The following ZBTB7C variants were observed in gnomAD, a reference collection of about 807,000 sequenced individuals.
ZBTB7C encodes zinc finger and BTB domain-containing protein 7C.
ZBTB7C carries 8 observed loss-of-function variants against 25.7 expected under a neutral mutation model. That is an observed-to-expected ratio of 0.31 (90% confidence interval 0.18 to 0.56). The LOEUF is 0.56. ZBTB7C is among the 20% of genes least tolerant of loss of function. The pLI is 0.91. For synonymous variants in ZBTB7C, 394 were observed against 369.0 expected (o/e 1.07, Z -0.78); for missense variants, 824 against 855.2 (o/e 0.96, Z 0.46).
At chr18:48,097,415 G>A (rs1004732110) in intron 3 of ZBTB7C, among the ~76,000 whole-genome samples, 8 of 81,394 alleles carry the variant, frequency 9.8e-5, no homozygotes, top group South Asian at 4.3e-4. Context: ...TATTATTATT[G>A]AGACAGAGTC....
At chr18:48,078,478 G>A (rs935672189) in intron 3 of ZBTB7C, among the ~76,000 whole-genome samples, 3 of 152,178 alleles carry the variant, frequency 2.0e-5, no homozygotes, top group South Asian at 2.1e-4. Flanking sequence ...ACACTCCACC[G>A]GCAGCATCAG....
intron 2 of ZBTB7C, among the ~76,000 whole-genome samples, chr18:48,293,343 C>T (rs1342992487): frequency 6.6e-6 from 1 of 152,180 alleles, no homozygotes; most frequent in African/African-American, 2.4e-5. Flanking sequence ...CCCTAATGAC[C>T]TCATCTGACT....
At chr18:48,198,527 C>T (rs544271613) in intron 2 of ZBTB7C, among the ~76,000 whole-genome samples, 13 of 152,284 alleles carry the variant, frequency 8.5e-5, no homozygotes, top group African/African-American at 2.2e-4. Flanking sequence ...GTTTCCTTGA[C>T]GTGTCCAGCT....
intron 3 of ZBTB7C, among the ~76,000 whole-genome samples, chr18:48,177,164 G>A (rs1390144721): frequency 6.6e-6 from 1 of 152,250 alleles, no homozygotes; most frequent in Non-Finnish European, 1.5e-5. Flanking sequence ...CCTGGAGCAG[G>A]ACAATGAGCC....
chr18:48,264,826 C>T (rs181307323), intron 2 of ZBTB7C, among the ~76,000 whole-genome samples: 1 of 152,338 alleles, frequency 6.6e-6, no homozygotes, highest in Admixed American at 6.5e-5. Flanking sequence ...CTTCACAGGG[C>T]ACTTTGCAAA....
At chr18:48,132,666 A>G (rs1020915958) in intron 3 of ZBTB7C, among the ~76,000 whole-genome samples, 1 of 152,228 alleles carries the variant, frequency 6.6e-6, no homozygotes, top group African/African-American at 2.4e-5. Flanking sequence ...GTTCTGCTTA[A>G]TAGAGGCAGC....
chr18:48,257,082 A>T (rs189143108), intron 2 of ZBTB7C, among the ~76,000 whole-genome samples: 303 of 152,154 alleles, frequency 2.0e-3, no homozygotes, highest in Middle Eastern at 0.014. Context: ...TTGGATATAA[A>T]GGAAGACCCA....
At chr18:48,310,506 C>T (rs1165484572) in intron 2 of ZBTB7C, among the ~76,000 whole-genome samples, 9 of 151,792 alleles carry the variant, frequency 5.9e-5, no homozygotes, top group African/African-American at 2.2e-4. Context: ...TGTCTTTCCT[C>T]ATGCTTAAAA....
intron 3 of ZBTB7C, chr18:48,148,728 CTG>C (rs2040574108): frequency 6.6e-6 from 1 of 152,206 alleles, no homozygotes; most frequent in Non-Finnish European, 1.5e-5. Flanking sequence ...AAGGTACAAT[CTG>C]AGATTCCTTA....
chr18:48,033,319 G>A (rs2035840946), intron 4 of ZBTB7C, among the ~76,000 whole-genome samples: 1 of 152,282 alleles, frequency 6.6e-6, no homozygotes, highest in East Asian at 1.9e-4. Context: ...CCTGGCTGTG[G>A]TTTGTTTGTA....
chr18:48,307,846 C>CATAAATAA (rs555176274), intron 2 of ZBTB7C, among the ~76,000 whole-genome samples: 4 of 152,118 alleles, frequency 2.6e-5, no homozygotes, highest in Admixed American at 6.5e-5. Context: ...AACTCCACCT[C>CATAAATAA]ATAAATAAAT....
chr18:48,165,439 G>C (rs770737405), intron 3 of ZBTB7C: 107 of 314,676 alleles, frequency 3.4e-4, no homozygotes, highest in Non-Finnish European at 5.9e-4. Context: ...CTTGGGCAGA[G>C]AGAGGGGACC....
upstream of ZBTB7C, among the ~76,000 whole-genome samples, chr18:48,411,963 ATAAT>A (rs1453070748): frequency 6.6e-6 from 1 of 152,238 alleles, no homozygotes; most frequent in Non-Finnish European, 1.5e-5. Context: ...TTGCTTTGCA[ATAAT>A]TAATAGAATT....
At chr18:48,227,186 A>G (rs2043125457) in intron 2 of ZBTB7C, among the ~76,000 whole-genome samples, 2 of 152,180 alleles carry the variant, frequency 1.3e-5, no homozygotes, top group Admixed American at 1.3e-4. Context: ...GAGGGCTTGG[A>G]CAAGCATCCA....
chr18:48,171,165 C>T (rs572633414), intron 3 of ZBTB7C, among the ~76,000 whole-genome samples: 78 of 152,352 alleles, frequency 5.1e-4, no homozygotes, highest in Non-Finnish European at 8.5e-4. Flanking sequence ...CCTGCCTGAG[C>T]CTTGGAGCCC....
At chr18:48,392,749 G>C (rs928291676) in intron 1 of ZBTB7C, among the ~76,000 whole-genome samples, 5 of 152,222 alleles carry the variant, frequency 3.3e-5, no homozygotes, top group Admixed American at 6.5e-5. Flanking sequence ...AGCCGAGGGA[G>C]GGAAGTGCTT....
chr18:48,333,934 C>T (rs2046398973), intron 2 of ZBTB7C, among the ~76,000 whole-genome samples: 1 of 152,188 alleles, frequency 6.6e-6, no homozygotes, highest in African/African-American at 2.4e-5. Context: ...TGCCCTGATT[C>T]CAGTGCAGCT....
intron 1 of ZBTB7C, among the ~76,000 whole-genome samples, chr18:48,394,871 T>C (rs761205425): frequency 3.3e-5 from 5 of 152,196 alleles, no homozygotes; most frequent in Non-Finnish European, 7.3e-5. Context: ...CTGAAGATGT[T>C]ATAATGTGTG....
At chr18:48,256,220 C>A (rs2044017516) in intron 2 of ZBTB7C, among the ~76,000 whole-genome samples, 1 of 151,980 alleles carries the variant, frequency 6.6e-6, no homozygotes, top group African/African-American at 2.4e-5. Context: ...ATGTCATAAT[C>A]AAATTGTTCA....
Sources: allele counts gnomAD v4.1 joint callset (sites outside exome capture counted in the v4.1 genomes callset), GRCh38; gene constraint gnomAD v4.1.1; transcripts MANE v1.5; gene names NCBI Gene and HGNC (gene_info 2026-07-23, HGNC 2026-07-21).